The following CASK variants were observed in gnomAD, a reference collection of about 807,000 sequenced individuals.
CASK encodes the protein calcium/calmodulin dependent serine protein kinase.
In CASK, 4 loss-of-function variants were observed where a neutral mutation model predicts 82.9. The observed-to-expected ratio is 0.05, with a 90% CI of 0.02 to 0.11. The LOEUF (loss-of-function observed/expected upper bound fraction) is 0.11, where lower values mean the gene tolerates loss of function less well. CASK is among the 10% of genes least tolerant of loss of function. The pLI, the probability that CASK is intolerant of heterozygous loss-of-function variation, is 1.00. For missense variants in CASK, 358 were observed against 720.9 expected (o/e 0.50, Z 5.76); for synonymous variants, 259 against 253.5 (o/e 1.02, Z -0.20).
At chrX:41,869,346 G>GC (rs2071652101) in intron 1 of CASK, among the ~76,000 whole-genome samples, 1 of 111,817 alleles carries the variant, frequency 8.9e-6, no homozygotes, top group African/African-American at 3.3e-5. Flanking sequence ...TTGGAGCCTG[G>GC]CTCTCTTTTA....
chrX:41,645,602 A>G (rs2066744923), intron 8 of CASK, among the ~76,000 whole-genome samples: 1 of 111,434 alleles, frequency 9.0e-6, no homozygotes, highest in Non-Finnish European at 1.9e-5. Context: ...ATCAAATCAC[A>G]ATAGGTGTAA....
At chrX:41,888,102 T>C (rs1166261008) in intron 1 of CASK, among the ~76,000 whole-genome samples, 1 of 111,687 alleles carries the variant, frequency 9.0e-6, no homozygotes, top group Non-Finnish European at 1.9e-5. Context: ...TTAGGCTACA[T>C]AGCAGCCACA....
At chrX:41,784,872 T>C (rs746734138) in intron 3 of CASK, among the ~76,000 whole-genome samples, 1 of 110,341 alleles carries the variant, frequency 9.1e-6, no homozygotes, top group South Asian at 3.9e-4. Flanking sequence ...TGAGACTCTG[T>C]TCAAAAAAAC....
chrX:41,675,289 T>C (rs1000657625), intron 5 of CASK, among the ~76,000 whole-genome samples: 82 of 112,305 alleles, frequency 7.3e-4, no homozygotes, highest in African/African-American at 2.6e-3. Flanking sequence ...TGGTTTAATA[T>C]GTGGTATCCA....
chrX:41,811,721 C>CA (rs1025854612), intron 2 of CASK, among the ~76,000 whole-genome samples: 1 of 106,996 alleles, frequency 9.3e-6, no homozygotes, highest in Non-Finnish European at 1.9e-5. Flanking sequence ...TAGCAGAAGG[C>CA]AAAAAATAAC....
chrX:41,608,718 C>G (rs984953722), intron 12 of CASK, among the ~76,000 whole-genome samples: 1 of 111,866 alleles, frequency 8.9e-6, no homozygotes, highest in Admixed American at 9.5e-5. Flanking sequence ...GTCAGTGGAG[C>G]CTGTAATATT....
chrX:41,655,576 C>T (rs1046302694), intron 8 of CASK, among the ~76,000 whole-genome samples: 1 of 111,564 alleles, frequency 9.0e-6, no homozygotes, highest in African/African-American at 3.3e-5. Context: ...TATGCAGGAA[C>T]ATCCTCTCCG....
intron 2 of CASK, among the ~76,000 whole-genome samples, chrX:41,846,444 C>T (rs1170847516): frequency 2.0e-3 from 14 of 6,844 alleles, no homozygotes; most frequent in South Asian, 9.5e-3. Context: ...GTTGGGGGGG[C>T]GGGGGGCTAG....
At chrX:41,756,365 A>C (rs1238097557) in intron 3 of CASK, among the ~76,000 whole-genome samples, 1 of 112,410 alleles carries the variant, frequency 8.9e-6, no homozygotes, top group Non-Finnish European at 1.9e-5. Context: ...TGTGTACCTG[A>C]ATGTTTATAG....
At chrX:41,870,811 TGGA>T (rs2071693742) in intron 1 of CASK, among the ~76,000 whole-genome samples, 1 of 111,910 alleles carries the variant, frequency 8.9e-6, no homozygotes, top group Admixed American at 9.4e-5. Context: ...GTGGTGGTGG[TGGA>T]GGAGGGCATG....
intron 21 of CASK, among the ~76,000 whole-genome samples, chrX:41,553,411 A>G (rs777129021): frequency 3.6e-5 from 4 of 111,189 alleles, no homozygotes; most frequent in Non-Finnish European, 7.5e-5. Flanking sequence ...TTCTAAAACA[A>G]TTATAACAGC....
At chrX:41,919,918 A>T (rs2072755779) in intron 1 of CASK, among the ~76,000 whole-genome samples, 1 of 112,259 alleles carries the variant, frequency 8.9e-6, no homozygotes, top group Non-Finnish European at 1.9e-5. Context: ...CCAAATAATG[A>T]TCTTATATTT....
intron 2 of CASK, among the ~76,000 whole-genome samples, chrX:41,837,786 T>C (rs762288055): frequency 2.0e-4 from 22 of 112,058 alleles, no homozygotes; most frequent in Admixed American, 3.8e-4. Context: ...ATGACGAGTA[T>C]AGCTGCTATA....
At chrX:41,564,997 C>T (rs769920339) in intron 16 of CASK, among the ~76,000 whole-genome samples, 12 of 111,595 alleles carry the variant, frequency 1.1e-4, no homozygotes, top group South Asian at 3.7e-4. Flanking sequence ...GGGTAAATAA[C>T]GAAATGAAGG....
chrX:41,639,980 G>A (rs749355803), intron 8 of CASK, among the ~76,000 whole-genome samples: 1 of 111,617 alleles, frequency 9.0e-6, no homozygotes, highest in Non-Finnish European at 1.9e-5. Flanking sequence ...TTCACCTGCT[G>A]ATGGACCCTG....
In CASK at chrX:41,882,541, G is replaced by A. The variant is rs147225406; in HGVS notation, c.60-29314C>T. Reference sequence around the variant, plus strand: ...TATAAGATAAGTACTAGAGAAATCAGCCACAAGAGAATGTAATACATTTCA... The same window carrying A: ...TATAAGATAAGTACTAGAGAAATCAACCACAAGAGAATGTAATACATTTCA... On this transcript the variant is annotated intron_variant, in intron 1 of 26. Transcript: ENST00000378163. Among the ~76,000 whole-genome samples, 347 of 111,634 alleles carry A rather than the reference G, an allele frequency of 3.1e-3. 1 individual carries two copies. Among genetic ancestry groups the A allele is most frequent in the African/African-American group, 0.011 (327 of 30,763 alleles).
chrX:41,850,786 G>A (rs1002768472), intron 2 of CASK, among the ~76,000 whole-genome samples: 5 of 111,416 alleles, frequency 4.5e-5, no homozygotes, highest in Non-Finnish European at 5.7e-5. Context: ...ACTGGAAAAG[G>A]GTTGAAAGAA....
intron 5 of CASK, chrX:41,697,810 T>C (rs1246588621): frequency 9.0e-6 from 1 of 111,252 alleles, no homozygotes; most frequent in East Asian, 2.8e-4. Flanking sequence ...CACATTCTTT[T>C]TTTTTTTTGA....
At chrX:41,606,242 TTTCATTCATTCATTCATTCA>T (rs201930152) in intron 12 of CASK, among the ~76,000 whole-genome samples, 1 of 103,886 alleles carries the variant, frequency 9.6e-6, no homozygotes, top group Non-Finnish European at 2.0e-5. Context: ...ATGATTAAGC[TTTCATTCATTCATTCATTCA>T]TTCATTCATT....
Sources: allele counts gnomAD v4.1 joint callset (sites outside exome capture counted in the v4.1 genomes callset), GRCh38; gene constraint gnomAD v4.1.1; transcripts MANE v1.5; gene names NCBI Gene and HGNC (gene_info 2026-07-23, HGNC 2026-07-21).